PRMT9: variants seen among roughly 807,000 people sequenced by gnomAD.
The protein encoded by PRMT9 is protein arginine methyltransferase 9.
PRMT9 carries 59 observed loss-of-function variants against 83.2 expected under a neutral mutation model. The observed-to-expected ratio is 0.71, with a 90% CI of 0.57 to 0.88. PRMT9 has a LOEUF of 0.88. Among genes scored for constraint, PRMT9 ranks in the 40% least tolerant of loss-of-function variants. The pLI, the probability that PRMT9 is intolerant of heterozygous loss-of-function variation, is 0.00. For synonymous variants in PRMT9, 333 were observed against 353.2 expected, an observed-to-expected ratio of 0.94 and a Z score of 0.64; for missense variants, 947 against 1,021.9, an observed-to-expected ratio of 0.93 and a Z score of 1.00.
At chr4:147,651,102 C>CA (rs1191495479) in intron 9 of PRMT9, among the ~76,000 whole-genome samples, 2,170 of 140,342 alleles carry the variant, frequency 0.015, 54 homozygotes, top group African/African-American at 0.054. Context: ...GACTCCATCT[C>CA]AAAAAAAAAA....
At chr4:147,642,108 C>T (rs777498312) in intron 10 of PRMT9, among the ~76,000 whole-genome samples, 1 of 152,172 alleles carries the variant, frequency 6.6e-6, no homozygotes, top group African/African-American at 2.4e-5. Flanking sequence ...TATCAGCTGC[C>T]AGCCTGAGGT....
intron 6 of PRMT9, among the ~76,000 whole-genome samples, chr4:147,667,116 C>T (rs550352216): frequency 6.6e-6 from 1 of 152,172 alleles, no homozygotes; most frequent in African/African-American, 2.4e-5. Flanking sequence ...CAGCAAGACA[C>T]AACCTAGCTT....
At chr4:147,669,844 T>G (rs944817608) in intron 5 of PRMT9, among the ~76,000 whole-genome samples, 1 of 152,250 alleles carries the variant, frequency 6.6e-6, no homozygotes, top group Non-Finnish European at 1.5e-5. Context: ...TGGGCTACAA[T>G]AGAGGATTTC....
At chr4:147,647,567 G>A (rs1231172390) in intron 9 of PRMT9, among the ~76,000 whole-genome samples, 2 of 150,342 alleles carry the variant, frequency 1.3e-5, no homozygotes, top group African/African-American at 4.9e-5. Flanking sequence ...CTGTTGCCCA[G>A]GCTGGAGTGC....
At chr4:147,653,729 T>C in intron 9 of PRMT9, 123 bp downstream of exon 9, 1 of 717,948 alleles carries the variant, frequency 1.4e-6, no homozygotes, top group Admixed American at 2.6e-5. Flanking sequence ...AAAGTAATGC[T>C]TGAGGAGCAT....
intron 9 of PRMT9, among the ~76,000 whole-genome samples, chr4:147,644,539 T>TAAAAAAAAA (rs35094215): frequency 8.9e-6 from 1 of 111,884 alleles, no homozygotes; most frequent in Non-Finnish European, 1.7e-5. Context: ...TGCTTATGGT[T>TAAAAAAAAA]AAAAAAAAAA....
chr4:147,681,043 G>A (rs993887120), intron 1 of PRMT9, among the ~76,000 whole-genome samples: 35 of 152,128 alleles, frequency 2.3e-4, no homozygotes, highest in African/African-American at 7.7e-4. Context: ...TCCTCACAGA[G>A]GCCCTATAGA....
rs1578877481 is a variant in PRMT9 at position 147,644,279 on chromosome 4, G to A, written c.2046-1339C>T. The stretch of plus-strand genomic sequence containing the variant: ...AGTGTATTACTATTACTGAGTGTAA[G>A]GTATATGGTAAGTTCTTTGTATTAT... On this transcript the variant is annotated intron_variant, in intron 9 of 11. Coordinates refer to ENST00000322396, the MANE Select transcript of PRMT9 (RefSeq NM_138364.4). 2.6e-5 allele frequency among the ~76,000 whole-genome samples: 4 copies of A among 151,232 alleles called. No individual in the cohort carries two copies. The East Asian group carries it at 7.8e-4, about 29-fold the overall frequency.
intron 10 of PRMT9, among the ~76,000 whole-genome samples, chr4:147,640,337 G>T (rs1105266): frequency 0.96 from 145,946 of 152,060 alleles, 70,336 homozygotes; most frequent in East Asian, 1. Flanking sequence ...CCTCCCAAAG[G>T]GCTAGGATTA....
chr4:147,672,559 C>A (rs1225505284), intron 4 of PRMT9, among the ~76,000 whole-genome samples: 3 of 152,210 alleles, frequency 2.0e-5, no homozygotes, highest in African/African-American at 4.8e-5. Flanking sequence ...CCAAAGCTTT[C>A]ATTTTAAACA....
chr4:147,655,061 G>A (rs911905486), intron 8 of PRMT9, among the ~76,000 whole-genome samples: 1 of 152,182 alleles, frequency 6.6e-6, no homozygotes, highest in Non-Finnish European at 1.5e-5. Context: ...TTAACTGTAA[G>A]TATTTTAGAC....
rs1684131503 is a variant in PRMT9 at position 147,637,846 on chromosome 4, G to A, written c.*686C>T. On this transcript the variant is annotated 3_prime_UTR_variant, in exon 12 of 12. Transcript: ENST00000322396. ...GTTTGTAAAAATTGGATCAATTAATGTACTTATTGTACATCCAAATCAAAA... is the reference window on the plus strand; with the variant it reads ...GTTTGTAAAAATTGGATCAATTAATATACTTATTGTACATCCAAATCAAAA... 1 of 152,328 alleles carries A rather than the reference G, an allele frequency of 6.6e-6. No homozygotes were observed. Among genetic ancestry groups the A allele is most frequent in the South Asian group, 2.1e-4 (1 of 4,832 alleles). 9.4% of individuals were successfully genotyped at this position (152,328 alleles called of 1,614,324 possible). A position where few individuals can be genotyped will look rare whatever the true frequency, so the allele number is the denominator to read the frequency against.
intron 2 of PRMT9, among the ~76,000 whole-genome samples, chr4:147,676,477 G>A (rs1254654878): frequency 6.6e-6 from 1 of 152,108 alleles, no homozygotes; most frequent in African/African-American, 2.4e-5. Context: ...GTGGAAAGAG[G>A]TTGCTAATTT....
chr4:147,644,790 C>G (rs2126574635), intron 9 of PRMT9, among the ~76,000 whole-genome samples: 1 of 152,236 alleles, frequency 6.6e-6, no homozygotes, highest in Admixed American at 6.5e-5. Flanking sequence ...TTTCCTCACA[C>G]CTGAGCTATG....
intron 1 of PRMT9, among the ~76,000 whole-genome samples, chr4:147,681,929 A>G (rs1241097527): frequency 1.3e-5 from 2 of 152,188 alleles, no homozygotes; most frequent in Admixed American, 6.5e-5. Context: ...ACAAACACAG[A>G]CTTTGTTCGG....
chr4:147,651,679 A>C (rs1734108248), intron 9 of PRMT9, among the ~76,000 whole-genome samples: 1 of 152,242 alleles, frequency 6.6e-6, no homozygotes, highest in African/African-American at 2.4e-5. Context: ...AACATGGATG[A>C]ACCTTGAAGA....
In PRMT9 at chr4:147,658,081, C is replaced by T. The variant is rs141867310; in HGVS notation, c.1147-106G>A. ...TGGAGTTCTTAGTCCTGCCCAGCTC[C>T]CTTAGGGATTCAGTATCTTGGCACA... On this transcript the variant is annotated intron_variant, in intron 7 of 11. Coordinates refer to ENST00000322396, the MANE Select transcript of PRMT9 (RefSeq NM_138364.4). 1.6e-3 allele frequency: 1,267 copies of T among 778,348 alleles called. 14 individuals carry two copies. The African/African-American group carries it at 0.019, about 12-fold the overall frequency. 48.2% of individuals were successfully genotyped at this position (778,348 alleles called of 1,614,324 possible). A position where few individuals can be genotyped will look rare whatever the true frequency, so the allele number is the denominator to read the frequency against.
intron 2 of PRMT9, among the ~76,000 whole-genome samples, chr4:147,678,175 A>G (rs1289714721): frequency 6.6e-6 from 1 of 152,238 alleles, no homozygotes. Flanking sequence ...AGATACGTTT[A>G]ATAAGAGAAA....
chr4:147,659,655 G>A (rs975296504), intron 7 of PRMT9, among the ~76,000 whole-genome samples: 2 of 138,248 alleles, frequency 1.4e-5, no homozygotes, highest in African/African-American at 5.4e-5. Context: ...TTTGGCTCAT[G>A]CAAACTCCGC....
Sources: allele counts gnomAD v4.1 joint callset (sites outside exome capture counted in the v4.1 genomes callset), GRCh38; gene constraint gnomAD v4.1.1; transcripts MANE v1.5; gene names NCBI Gene and HGNC (gene_info 2026-07-23, HGNC 2026-07-21).